ADCY2: variants seen among roughly 807,000 people sequenced by gnomAD.
The protein encoded by ADCY2 is adenylate cyclase 2, also known as adenylate cyclase type 2.
In ADCY2, 31 loss-of-function variants were observed where a neutral mutation model predicts 125.2. That is an observed-to-expected ratio of 0.25 (90% CI 0.19 to 0.33). ADCY2 has a LOEUF of 0.33. Among genes scored for constraint, ADCY2 ranks in the 10% least tolerant of loss-of-function variants. The pLI is 1.00. For missense variants in ADCY2, 904 were observed against 1,418.2 expected (o/e 0.64, Z 5.82); for synonymous variants, 512 against 548.4 (o/e 0.93, Z 0.93).
chr5:7,458,340 TGTAGA>T (rs1477615411), intron 2 of ADCY2, among the ~76,000 whole-genome samples: 1 of 152,214 alleles, frequency 6.6e-6, no homozygotes, highest in African/African-American at 2.4e-5. Flanking sequence ...TGAACAGTTT[TGTAGA>T]GTAATGTATA....
intron 2 of ADCY2, among the ~76,000 whole-genome samples, chr5:7,451,130 C>T (rs964466532): frequency 6.6e-6 from 1 of 152,202 alleles, no homozygotes; most frequent in African/African-American, 2.4e-5. Flanking sequence ...TTTCAACTTT[C>T]AAGTCTTATT....
At chr5:7,681,786 A>G (rs192244788) in intron 4 of ADCY2, among the ~76,000 whole-genome samples, 4 of 140,216 alleles carry the variant, frequency 2.9e-5, no homozygotes, top group African/African-American at 1.3e-4. Context: ...AAAACCATTT[A>G]AAAAAAGGGG....
At chr5:7,548,665 A>C (rs1579561983) in intron 3 of ADCY2, among the ~76,000 whole-genome samples, 1 of 152,088 alleles carries the variant, frequency 6.6e-6, no homozygotes, top group East Asian at 1.9e-4. Flanking sequence ...TTTTTTTCTT[A>C]ATAGCAGTGG....
At chr5:7,798,855 A>G (rs1298435748) in intron 20 of ADCY2, 4 of 152,098 alleles carry the variant, frequency 2.6e-5, no homozygotes, top group African/African-American at 9.7e-5. Context: ...GCGTGAGCCA[A>G]CGCGCCCTGC....
At chr5:7,495,052 G>A (rs1743298606) in intron 2 of ADCY2, among the ~76,000 whole-genome samples, 1 of 152,140 alleles carries the variant, frequency 6.6e-6, no homozygotes, top group Admixed American at 6.5e-5. Flanking sequence ...ACCATTTCTT[G>A]CTCAAATTTT....
intron 3 of ADCY2, among the ~76,000 whole-genome samples, chr5:7,609,464 C>G (rs1447415493): frequency 6.6e-6 from 1 of 152,148 alleles, no homozygotes; most frequent in Non-Finnish European, 1.5e-5. Flanking sequence ...TATTTTTGTT[C>G]AATACATGAA....
chr5:7,615,812 G>A (rs565364497), intron 3 of ADCY2, among the ~76,000 whole-genome samples: 8 of 152,146 alleles, frequency 5.3e-5, no homozygotes, highest in African/African-American at 1.9e-4. Context: ...TTGTTGCTGT[G>A]AGCAAAAACC....
intron 4 of ADCY2, among the ~76,000 whole-genome samples, chr5:7,635,236 T>A (rs1365518783): frequency 6.6e-6 from 1 of 152,126 alleles, no homozygotes; most frequent in Non-Finnish European, 1.5e-5. Context: ...TCTTAGAGGA[T>A]CCTTCTAGCT....
chr5:7,664,874 CT>C (rs1430070424), intron 4 of ADCY2, among the ~76,000 whole-genome samples: 1 of 152,178 alleles, frequency 6.6e-6, no homozygotes, highest in Non-Finnish European at 1.5e-5. Context: ...CTCCACAGTC[CT>C]TTACCTTAAC....
At chr5:7,666,612 C>T (rs748718319) in intron 4 of ADCY2, among the ~76,000 whole-genome samples, 2 of 152,178 alleles carry the variant, frequency 1.3e-5, no homozygotes, top group Non-Finnish European at 2.9e-5. Flanking sequence ...CTGAGATTCC[C>T]ATACGTAAAG....
At chr5:7,603,784 CTTTTTTTTTTTTTTTT>C in intron 3 of ADCY2, among the ~76,000 whole-genome samples, 65 of 62,802 alleles carry the variant, frequency 1.0e-3, no homozygotes, top group Admixed American at 2.4e-4. Context: ...TGCTCTCTTT[CTTTTTTTTTTTTTTTT>C]TTTTTTTTTC....
At chr5:7,765,746 G>A (rs925794899) in intron 16 of ADCY2, among the ~76,000 whole-genome samples, 1 of 152,170 alleles carries the variant, frequency 6.6e-6, no homozygotes, top group Non-Finnish European at 1.5e-5. Flanking sequence ...TTAACCCTAT[G>A]CAGAAAACAC....
chr5:7,826,479 T>G (rs1020786062), intron 24 of ADCY2: 1 of 623,666 alleles, frequency 1.6e-6, no homozygotes, highest in African/African-American at 1.8e-5. Flanking sequence ...CGTAGTTTAC[T>G]GGAGTTACTT....
At chr5:7,747,802 A>G (rs1221714405) in intron 15 of ADCY2, among the ~76,000 whole-genome samples, 1 of 152,226 alleles carries the variant, frequency 6.6e-6, no homozygotes, top group African/African-American at 2.4e-5. Flanking sequence ...CAGTGAGTTC[A>G]CTGTAGCCCT....
At chr5:7,767,813 G>A (rs970794523) in intron 17 of ADCY2, among the ~76,000 whole-genome samples, 2 of 151,972 alleles carry the variant, frequency 1.3e-5, no homozygotes, top group South Asian at 2.1e-4. Flanking sequence ...GGCAGATCAC[G>A]AGGTCAGGAG....
chr5:7,778,067 T>C (rs1035686657), intron 18 of ADCY2, among the ~76,000 whole-genome samples: 4 of 152,166 alleles, frequency 2.6e-5, no homozygotes, highest in Admixed American at 2.6e-4. Flanking sequence ...ATGGTTGTGG[T>C]TCCTATCTAT....
chr5:7,430,937 T>C (rs1740575935), intron 2 of ADCY2, among the ~76,000 whole-genome samples: 1 of 152,146 alleles, frequency 6.6e-6, no homozygotes, highest in Non-Finnish European at 1.5e-5. Flanking sequence ...ATGTTAAATG[T>C]TAATTCTCCC....
intron 2 of ADCY2, among the ~76,000 whole-genome samples, chr5:7,484,305 G>T (rs780767069): frequency 6.6e-6 from 1 of 152,104 alleles, no homozygotes; most frequent in Non-Finnish European, 1.5e-5. Context: ...TTAGAAAATG[G>T]ATTAGGGAAA....
At chr5:7,454,186 G>A (rs1741580569) in intron 2 of ADCY2, among the ~76,000 whole-genome samples, 1 of 152,138 alleles carries the variant, frequency 6.6e-6, no homozygotes, top group Non-Finnish European at 1.5e-5. Context: ...TGTCAACACT[G>A]AGGCAAGACC....
Sources: gnomAD v4.1 joint callset for allele counts (sites outside exome capture counted in the v4.1 genomes callset) on GRCh38, gnomAD v4.1.1 for gene constraint, MANE v1.5 for transcripts, NCBI Gene and HGNC (gene_info 2026-07-23, HGNC 2026-07-21) for gene names.